The following CA10 variants were observed in gnomAD, a reference collection of about 807,000 sequenced individuals.
CA10 encodes carbonic anhydrase 10 (inactive).
In CA10, 14 loss-of-function variants were observed where a neutral mutation model predicts 44.2. The ratio of observed to expected loss-of-function variants is 0.32; its 90% CI spans 0.21 to 0.50. CA10 has a LOEUF of 0.50. Among genes scored for constraint, CA10 ranks in the 20% least tolerant of loss-of-function variants. CA10 has a pLI of 0.99. For synonymous variants in CA10, 159 were observed against 141.6 expected (o/e 1.12, Z -0.87); for missense variants, 350 against 409.7 (o/e 0.85, Z 1.26).
At chr17:52,017,217 T>C (rs1985996301) in intron 2 of CA10, among the ~76,000 whole-genome samples, 1 of 152,034 alleles carries the variant, frequency 6.6e-6, no homozygotes, top group Non-Finnish European at 1.5e-5. Flanking sequence ...TACCTGAAAA[T>C]GTGGAAGCAG....
At chr17:52,105,054 G>A (rs1179041893) in intron 1 of CA10, among the ~76,000 whole-genome samples, 2 of 152,132 alleles carry the variant, frequency 1.3e-5, no homozygotes, top group Non-Finnish European at 2.9e-5. Flanking sequence ...CCATTAGGCT[G>A]GGGTAGGGCA....
chr17:52,155,001 A>G (rs1456084626), intron 1 of CA10, among the ~76,000 whole-genome samples: 1 of 152,226 alleles, frequency 6.6e-6, no homozygotes, highest in Non-Finnish European at 1.5e-5. Flanking sequence ...ACTAAGCTAC[A>G]AAGCGCCAAT....
chr17:51,644,070 C>T lies in CA10; in HGVS notation c.634+5112G>A, dbSNP rs375653629. ...CATGGCATTTAGCCTCCAAAATTCC[C>T]AATCCTCTTGGCGAGATTCTCCCTC... is the stretch of plus-strand genomic sequence containing the variant. On this transcript the variant is annotated intron_variant, in intron 6 of 8. Coordinates refer to ENST00000451037, the MANE Select transcript of CA10 (RefSeq NM_020178.5). Among the ~76,000 whole-genome samples the T allele has an allele frequency of 1.9e-3, 282 of 152,296 alleles. 13 individuals carry two copies. The South Asian group carries it at 0.056, about 30-fold the overall frequency.
At position 51,889,533 on chromosome 17, in the gene CA10, A is replaced by AAAACC. The variant is rs1209377356; in HGVS notation, c.279+41452_279+41456dup. 2.0e-4 allele frequency among the ~76,000 whole-genome samples: 31 copies of AAAACC among 152,266 alleles called. No homozygotes were observed. The East Asian group carries it at 4.8e-3, about 24-fold the overall frequency. ...TGAGGCCCTGTCTCAAAAATAAAATAAAACCAAACCAAACCAAACCAAACA... is the reference window on the plus strand; with the variant it reads ...TGAGGCCCTGTCTCAAAAATAAAATAAAACCAAACCAAACCAAACCAAACCAAACA... On this transcript the variant is annotated intron_variant, in intron 3 of 8. Transcript: ENST00000451037.
chr17:52,108,394 A>G (rs1263604441), intron 1 of CA10, among the ~76,000 whole-genome samples: 1 of 151,622 alleles, frequency 6.6e-6, no homozygotes, highest in Non-Finnish European at 1.5e-5. Flanking sequence ...GTGAGGATGC[A>G]AAGACATAAG....
At chr17:51,731,318 A>C (rs1339035003) in intron 4 of CA10, among the ~76,000 whole-genome samples, 1 of 152,208 alleles carries the variant, frequency 6.6e-6, no homozygotes, top group African/African-American at 2.4e-5. Context: ...TGGAGGTTGC[A>C]GTGAGCCGAG....
chr17:51,952,584 T>C (rs1345153635), intron 2 of CA10, among the ~76,000 whole-genome samples: 1 of 151,584 alleles, frequency 6.6e-6, no homozygotes. Flanking sequence ...TAAAAGAAGA[T>C]CAATAAATTT....
chr17:51,959,209 C>CT (rs112948472), intron 2 of CA10, among the ~76,000 whole-genome samples: 1,705 of 122,258 alleles, frequency 0.014, 31 homozygotes, highest in African/African-American at 0.043. Context: ...GGAAGACATT[C>CT]TTTTTTTTTT....
intron 2 of CA10, among the ~76,000 whole-genome samples, chr17:52,014,119 A>G (rs546183005): frequency 6.6e-6 from 1 of 151,948 alleles, no homozygotes; most frequent in Non-Finnish European, 1.5e-5. Flanking sequence ...ATCAGGTACC[A>G]TTTAAAAATA....
At chr17:52,142,402 C>T (rs115990567) in intron 1 of CA10, among the ~76,000 whole-genome samples, 1 of 152,258 alleles carries the variant, frequency 6.6e-6, no homozygotes, top group African/African-American at 2.4e-5. Context: ...GATGCTAATA[C>T]CAGATCACAT....
At chr17:51,820,187 C>T (rs113014244) in intron 3 of CA10, among the ~76,000 whole-genome samples, 1 of 13,504 alleles carries the variant, frequency 7.4e-5, no homozygotes, top group East Asian at 0.011. Flanking sequence ...TGAGCGCCGC[C>T]CCCCCCCCCC....
chr17:52,081,124 T>C (rs1987964479), intron 1 of CA10, among the ~76,000 whole-genome samples: 1 of 152,122 alleles, frequency 6.6e-6, no homozygotes, highest in Non-Finnish European at 1.5e-5. Context: ...AGGAAAGAAC[T>C]GAATTCAAAT....
chr17:51,930,955 T>G (rs1439952572), intron 3 of CA10, 35 bp downstream of exon 3: 1 of 1,610,460 alleles, frequency 6.2e-7, no homozygotes, highest in East Asian at 2.2e-5. Flanking sequence ...TGGCCCCATC[T>G]TCAACTTTAC....
chr17:52,129,100 T>C (rs943526540), intron 1 of CA10, among the ~76,000 whole-genome samples: 1 of 152,176 alleles, frequency 6.6e-6, no homozygotes, highest in Non-Finnish European at 1.5e-5. Context: ...GCCACCACTT[T>C]CTCCTCTACC....
At chr17:52,035,767 CA>C (rs769036380) in intron 2 of CA10, among the ~76,000 whole-genome samples, 1 of 152,242 alleles carries the variant, frequency 6.6e-6, no homozygotes, top group Non-Finnish European at 1.5e-5. Context: ...CTCGTTCGCT[CA>C]TGCACTCTCT....
intron 2 of CA10, among the ~76,000 whole-genome samples, chr17:52,020,999 G>C (rs9893379): frequency 0.47 from 71,629 of 151,664 alleles, 17,879 homozygotes; most frequent in East Asian, 0.79. Context: ...TTTTTTATTG[G>C]TGTAGAGTTT....
chr17:51,933,335 A>T (rs1051685501), intron 2 of CA10, among the ~76,000 whole-genome samples: 1 of 152,130 alleles, frequency 6.6e-6, no homozygotes, highest in African/African-American at 2.4e-5. Flanking sequence ...AGGGTCAGAG[A>T]TATAAAGATA....
At chr17:52,082,680 A>T (rs1335700219) in intron 1 of CA10, among the ~76,000 whole-genome samples, 1 of 152,236 alleles carries the variant, frequency 6.6e-6, no homozygotes, top group Non-Finnish European at 1.5e-5. Context: ...CCACAAAAGT[A>T]TAAATTATTA....
intron 3 of CA10, among the ~76,000 whole-genome samples, chr17:51,905,646 A>G (rs1400415702): frequency 2.1e-5 from 3 of 144,604 alleles, no homozygotes; most frequent in African/African-American, 5.2e-5. Context: ...CTCTGTTCTT[A>G]TCCCCAGGCT....
Sources: gnomAD v4.1 joint callset for allele counts (sites outside exome capture counted in the v4.1 genomes callset) on GRCh38, gnomAD v4.1.1 for gene constraint, MANE v1.5 for transcripts, NCBI Gene and HGNC (gene_info 2026-07-23, HGNC 2026-07-21) for gene names.